The following TMEM216 variants were observed in gnomAD, a reference collection of about 807,000 sequenced individuals.
TMEM216 encodes the protein cerebello-oculo-renal syndrome 2.
Under a neutral mutation model 17.8 loss-of-function variants are expected in TMEM216, and 15 were observed. The ratio of observed to expected loss-of-function variants is 0.84; its 90% CI spans 0.56 to 1.30. The LOEUF is 1.30. TMEM216 is among the 50% of genes most tolerant of loss of function. The pLI is 0.00. For synonymous variants in TMEM216, 58 were observed against 73.5 expected, an observed-to-expected ratio of 0.79 and a Z score of 1.08; for missense variants, 160 against 175.7, an observed-to-expected ratio of 0.91 and a Z score of 0.51.
intron 3 of TMEM216, 99 bp downstream of exon 3, chr11:61,394,075 A>G: frequency 9.1e-7 from 1 of 1,092,906 alleles, no homozygotes; most frequent in East Asian, 2.4e-5. Flanking sequence ...TGACTATCAT[A>G]GACTGGATCT....
chr11:61,395,608 C>T (rs1215331932), intron 3 of TMEM216, among the ~76,000 whole-genome samples: 1 of 151,544 alleles, frequency 6.6e-6, no homozygotes, highest in Admixed American at 6.6e-5. Context: ...TGGTGGCGCG[C>T]ACCTGTAATC....
At position 61,398,804 on chromosome 11, in the gene TMEM216, A is replaced by G. The variant is rs1188152928; in HGVS notation, c.*528A>G. On this transcript the variant is annotated 3_prime_UTR_variant, in exon 5 of 5. Transcript: ENST00000515837. ...ATAGTGTTATTTTTCTACTCTCTTC[A>G]TGAAACTAACTTTATTTTATAATAA... 6.5e-6 allele frequency: 1 copy of G among 152,840 alleles called. No individual in the cohort carries two copies. Among genetic ancestry groups the G allele is most frequent in the Non-Finnish European group, 1.5e-5 (1 of 68,246 alleles). The allele number at this position is 152,840 out of a possible 1,614,324, so 9.5% of individuals were successfully genotyped here.
chr11:61,395,256 C>T (rs1203784510), intron 3 of TMEM216, among the ~76,000 whole-genome samples: 2 of 152,064 alleles, frequency 1.3e-5, no homozygotes, highest in Non-Finnish European at 2.9e-5. Context: ...GGATTACAGG[C>T]GTGAGCCAAC....
Position 61,398,459 on chromosome 11 carries a change from C to A in TMEM216, c.*183C>A. 1.6e-6 allele frequency: 1 copy of A among 633,590 alleles called. No individual in the cohort carries two copies. The highest frequency in any genetic ancestry group is 2.8e-6 in the Non-Finnish European group (1 of 363,036). 39.2% of individuals were successfully genotyped at this position (633,590 alleles called of 1,614,324 possible). A position where few individuals can be genotyped will look rare whatever the true frequency, so the allele number is the denominator to read the frequency against. On this transcript the variant is annotated 3_prime_UTR_variant, in exon 5 of 5. Coordinates refer to ENST00000515837, the MANE Select transcript of TMEM216 (RefSeq NM_001173990.3). ...GGCCAGTGGGTACCATCTTCTAAAC[C>A]AGGACCATCAGCCCAAGAGACTCTT... is the stretch of plus-strand genomic sequence containing the variant.
At chr11:61,394,077 A>C in intron 3 of TMEM216, 101 bp downstream of exon 3, 1 of 1,076,266 alleles carries the variant, frequency 9.3e-7, no homozygotes, top group Non-Finnish European at 1.4e-6. Flanking sequence ...ACTATCATAG[A>C]CTGGATCTGT....
chr11:61,392,684 G>A lies in TMEM216; in HGVS notation c.34+19G>A, dbSNP rs1565088021. ...CCGCGAGGTGAGATTCCGGAGGTGT[G>A]TGAGTCGCTGGTCCCTTTCCCTTCG... On this transcript the variant is annotated intron_variant, in intron 1 of 4. Coordinates refer to ENST00000515837, the MANE Select transcript of TMEM216 (RefSeq NM_001173990.3). The A allele has an allele frequency of 2.0e-6, 3 of 1,536,126 alleles. No individual in the cohort carries two copies. Among genetic ancestry groups the A allele is most frequent in the Non-Finnish European group, 2.6e-6 (3 of 1,146,892 alleles).
rs758077979 is a variant in TMEM216 at position 61,393,302 on chromosome 11, C to T, written c.106C>T (p.Leu36=). 1 of 1,535,918 alleles carries T rather than the reference C, an allele frequency of 6.5e-7. No individual in the cohort carries two copies. The highest frequency in any genetic ancestry group is 1.2e-5 in the South Asian group (1 of 84,060). The change falls in exon 2 of 5, where the codon CTG becomes TTG. Residue 36 remains leucine (L), a synonymous_variant. Transcript: ENST00000515837. ...LNGWYNATYF[L]LELFIFLYKG... ...CGGGTGGTATAATGCTACCTATTTC[C>T]TGCTGGAACTTTTCATATTTCTGTA...
intron 3 of TMEM216, among the ~76,000 whole-genome samples, chr11:61,395,225 C>T (rs1345893992): frequency 6.6e-6 from 1 of 152,068 alleles, no homozygotes; most frequent in East Asian, 1.9e-4. Flanking sequence ...ATCTTCCTGC[C>T]TTGGCCTCCC....
rs534189542 is a variant in TMEM216, at chr11:61,394,889, TCTC to T, written c.229+916_229+918del. 8.8e-3 allele frequency among the ~76,000 whole-genome samples: 1,341 copies of T among 152,250 alleles called. 14 individuals are homozygous for T. The highest frequency in any genetic ancestry group is 0.013 in the Non-Finnish European group (884 of 68,020). Reference sequence around the variant, plus strand: ...ACCATGTTGGCTAGGATGGTCTCGATCTCCTGACCTCATGATCCACCCGCCTTG... The same window carrying T: ...ACCATGTTGGCTAGGATGGTCTCGATCTGACCTCATGATCCACCCGCCTTG... On this transcript the variant is annotated intron_variant, in intron 3 of 4. Transcript: ENST00000515837.
chr11:61,396,835 A>G (rs952075043), intron 3 of TMEM216, among the ~76,000 whole-genome samples: 6 of 151,138 alleles, frequency 4.0e-5, no homozygotes, highest in Admixed American at 1.3e-4. Context: ...ACGTGTACCT[A>G]TAGTGGGAAG....
chr11:61,395,580 A>T (rs1440845261), intron 3 of TMEM216, among the ~76,000 whole-genome samples: 1 of 152,106 alleles, frequency 6.6e-6, no homozygotes, highest in Non-Finnish European at 1.5e-5. Flanking sequence ...TACTAAAAAT[A>T]CAAAAATTAG....
intron 3 of TMEM216, chr11:61,394,279 T>C (rs1168240655): frequency 5.4e-6 from 2 of 368,502 alleles, no homozygotes; most frequent in African/African-American, 4.1e-5. Context: ...ATAGGTTCAG[T>C]TGTAACTCCA....
rs1374118965 is a variant in TMEM216 at position 61,393,250 on chromosome 11, C to A, written c.54C>A (p.Thr18=). ...MAPRGKRLSS[T]PLEILFFLNG... is the part of the protein sequence containing the mutation. Reference sequence around the variant, plus strand: ...TTTCAGGTAAACGGTTGTCCTCCACCCCGCTGGAAATCCTGTTCTTTCTGA... The same window carrying A: ...TTTCAGGTAAACGGTTGTCCTCCACACCGCTGGAAATCCTGTTCTTTCTGA... Residue 18 remains threonine, a synonymous_variant, in exon 2 of 5, where the codon ACC becomes ACA. Coordinates refer to ENST00000515837, the MANE Select transcript of TMEM216 (RefSeq NM_001173990.3). 3.9e-6 allele frequency: 6 copies of A among 1,535,842 alleles called. No individual in the cohort carries two copies. The highest frequency in any genetic ancestry group is 5.2e-6 in the Non-Finnish European group (6 of 1,146,800).
At position 61,393,723 on chromosome 11, in the gene TMEM216, C is replaced by T. The variant is rs556885050; in HGVS notation, c.137-161C>T. Among the ~76,000 whole-genome samples the T allele has an allele frequency of 5.3e-5, 8 of 152,286 alleles. No homozygotes were observed. The South Asian group carries it at 1.5e-3, about 28-fold the overall frequency. ...AAACACCATAATAATGAGCCTGAGT[C>T]GCATTGTGAGTTTATGTATCCTGCT... is the stretch of plus-strand genomic sequence containing the variant. On this transcript the variant is annotated intron_variant, in intron 2 of 4. Coordinates refer to ENST00000515837, the MANE Select transcript of TMEM216 (RefSeq NM_001173990.3).
At chr11:61,397,574 C>A (rs943725014) in intron 3 of TMEM216, among the ~76,000 whole-genome samples, 200 bp from the exon 4 acceptor site, 1 of 152,098 alleles carries the variant, frequency 6.6e-6, no homozygotes, top group African/African-American at 2.4e-5. Context: ...GGAAGCAGGA[C>A]CTCTGGATTA....
intron 3 of TMEM216, among the ~76,000 whole-genome samples, chr11:61,396,819 ATAGTGACGTG>A (rs1810244323): frequency 6.6e-6 from 1 of 151,706 alleles, no homozygotes; most frequent in Non-Finnish European, 1.5e-5. Flanking sequence ...TTAGCTGGGC[ATAGTGACGTG>A]TACCTATAGT....
intron 3 of TMEM216, among the ~76,000 whole-genome samples, chr11:61,397,506 TA>T (rs1858825828): frequency 6.6e-6 from 1 of 152,140 alleles, no homozygotes; most frequent in Non-Finnish European, 1.5e-5. Context: ...TTTTTATAAT[TA>T]AAAATTTTGT....
rs189414724 is a variant in TMEM216 at position 61,395,474 on chromosome 11, T to C, written c.229+1498T>C. ...TTAAAAATTGGCTGGGCGCAGTGGC[T>C]CACGTCTGTAATCCCAGCACTTTGG... On this transcript the variant is annotated intron_variant, in intron 3 of 4. Coordinates refer to ENST00000515837, the MANE Select transcript of TMEM216 (RefSeq NM_001173990.3). Among the ~76,000 whole-genome samples the C allele has an allele frequency of 2.9e-3, 438 of 152,138 alleles. 3 individuals carry two copies. The highest frequency in any genetic ancestry group is 4.4e-3 in the Non-Finnish European group (298 of 67,990).
chr11:61,393,933 G>C lies in TMEM216; in HGVS notation c.186G>C (p.Met62Ile). ...PTANLVLDVV[M>I]LLLYLGIEVI... Reference sequence around the variant, plus strand: ...CTAACCTAGTACTGGATGTGGTGATGCTCCTCCTTTATCTTGGAATTGAAG... The same window carrying C: ...CTAACCTAGTACTGGATGTGGTGATCCTCCTCCTTTATCTTGGAATTGAAG... Residue 62 changes from methionine (M) to isoleucine (I), a missense_variant, in exon 3 of 5, where the codon ATG becomes ATC. Transcript: ENST00000515837. The C allele has an allele frequency of 6.2e-7, 1 of 1,613,964 alleles. No individual in the cohort carries two copies. The highest frequency in any genetic ancestry group is 2.2e-5 in the East Asian group (1 of 44,882).
Sources: allele counts gnomAD v4.1 joint callset (sites outside exome capture counted in the v4.1 genomes callset), GRCh38; gene constraint gnomAD v4.1.1; transcripts MANE v1.5; gene names NCBI Gene and HGNC (gene_info 2026-07-23, HGNC 2026-07-21).